Variants in ZSCAN5A observed in about 807,000 individuals in gnomAD.
ZSCAN5A encodes zinc finger and SCAN domain-containing protein 5A.
In ZSCAN5A, 12 loss-of-function variants were observed where a neutral mutation model predicts 23.7. The ratio of observed to expected loss-of-function variants is 0.51; its 90% CI spans 0.32 to 0.82. The LOEUF (loss-of-function observed/expected upper bound fraction) is 0.82. Ranked by LOEUF, ZSCAN5A falls within the 40% of genes least tolerant of loss-of-function variation. The pLI is 0.03. For synonymous variants in ZSCAN5A, 257 were observed against 239.9 expected (o/e 1.07, Z -0.66); for missense variants, 597 against 617.9 (o/e 0.97, Z 0.36).
rs149968761 is a variant in ZSCAN5A, at chr19:56,249,803, G to A, written c.-127-24630C>T. Among the ~76,000 whole-genome samples the A allele has an allele frequency of 3.5e-3, 536 of 152,262 alleles. 3 individuals are homozygous for A. The highest frequency in any genetic ancestry group is 0.012 in the African/African-American group (511 of 41,542). On this transcript the variant is annotated intron_variant, in intron 2 of 5. Coordinates refer to ENST00000683990, the MANE Select transcript of ZSCAN5A (RefSeq NM_001322064.3). ...CATCCAAGGCGCCACATTGCCTTGAGTTGTCATGCCTCCCTAGGCTCCTCT... is the reference window on the plus strand; with the variant it reads ...CATCCAAGGCGCCACATTGCCTTGAATTGTCATGCCTCCCTAGGCTCCTCT...
At chr19:56,294,433 G>A (rs997469598) in intron 2 of ZSCAN5A, among the ~76,000 whole-genome samples, 1 of 152,198 alleles carries the variant, frequency 6.6e-6, no homozygotes, top group Non-Finnish European at 1.5e-5. Context: ...GATTAATGGA[G>A]ATAATATTTT....
chr19:56,341,795 G>A (rs566746890), intron 2 of ZSCAN5A, among the ~76,000 whole-genome samples: 2 of 144,428 alleles, frequency 1.4e-5, no homozygotes, highest in African/African-American at 5.2e-5. Context: ...AGAAAACACT[G>A]TTAGCATCAG....
intron 1 of ZSCAN5A, chr19:56,314,447 C>T (rs911724599): frequency 6.6e-6 from 1 of 151,976 alleles, no homozygotes; most frequent in African/African-American, 2.4e-5. Flanking sequence ...AGGAATCATG[C>T]AGGGCGCCTG....
At chr19:56,355,384 G>T (rs1257215702) in intron 2 of ZSCAN5A, among the ~76,000 whole-genome samples, 1 of 148,694 alleles carries the variant, frequency 6.7e-6, no homozygotes, top group African/African-American at 2.5e-5. Flanking sequence ...ATACTGTGCT[G>T]TATTTCTATT....
At chr19:56,324,341 T>C (rs2041412530) in intron 2 of ZSCAN5A, among the ~76,000 whole-genome samples, 1 of 152,238 alleles carries the variant, frequency 6.6e-6, no homozygotes, top group South Asian at 2.1e-4. Flanking sequence ...ATTGTGTATA[T>C]GTATCATATT....
intron 2 of ZSCAN5A, among the ~76,000 whole-genome samples, chr19:56,273,998 G>C (rs574271139): frequency 1.2e-3 from 178 of 152,208 alleles, no homozygotes; most frequent in African/African-American, 4.1e-3. Context: ...GGTGAAGATG[G>C]GGATAAGTAG....
chr19:56,355,860 G>A lies in ZSCAN5A; in HGVS notation c.-358+7375C>T, dbSNP rs1168215280. ...AGGTTTGAATCAGGATTGGGAAGAA[G>A]GTAATGATTATGATGACCTCAAGTC... On this transcript the variant is annotated intron_variant, in intron 2 of 6. Transcript: ENST00000587340. 1.3e-5 allele frequency among the ~76,000 whole-genome samples: 2 copies of A among 148,576 alleles called. 1 individual carries two copies. Among genetic ancestry groups the A allele is most frequent in the Non-Finnish European group, 3.0e-5 (2 of 67,238 alleles).
intron 2 of ZSCAN5A, among the ~76,000 whole-genome samples, chr19:56,291,814 T>C (rs188756233): frequency 1.6e-4 from 24 of 152,264 alleles, no homozygotes; most frequent in Admixed American, 5.2e-4. Context: ...GGATGTCTCA[T>C]GGAAACCAAT....
intron 1 of ZSCAN5A, among the ~76,000 whole-genome samples, chr19:56,363,962 G>A (rs537185291): frequency 6.6e-6 from 1 of 152,346 alleles, no homozygotes; most frequent in East Asian, 1.9e-4. Flanking sequence ...GAATTCAAGT[G>A]AGCTGCTAAG....
At chr19:56,302,545 G>GTTCCTCCCTCCCTCCCCCCCTTCCTTTTC (rs2040356597) in intron 2 of ZSCAN5A, among the ~76,000 whole-genome samples, 1 of 21,592 alleles carries the variant, frequency 4.6e-5, no homozygotes, top group East Asian at 1.4e-3. Flanking sequence ...CTTCCTCCCC[G>GTTCCTCCCTCCCTCCCCCCCTTCCTTTTC]TTCCTCCCTC....
chr19:56,297,346 C>T (rs1406533950), intron 2 of ZSCAN5A, among the ~76,000 whole-genome samples: 1 of 151,390 alleles, frequency 6.6e-6, no homozygotes, highest in Non-Finnish European at 1.5e-5. Flanking sequence ...CTTTTCTTTT[C>T]CTTTCTTTTC....
intron 2 of ZSCAN5A, chr19:56,228,532 T>G: frequency 3.5e-6 from 3 of 846,716 alleles, no homozygotes; most frequent in Non-Finnish European, 4.3e-6. Context: ...CTGAAGTATT[T>G]GGTGGCCTCA....
intron 2 of ZSCAN5A, among the ~76,000 whole-genome samples, chr19:56,228,976 T>G (rs866955432): frequency 2.0e-5 from 3 of 152,016 alleles, no homozygotes; most frequent in Middle Eastern, 3.4e-3. Context: ...GGTGATAGGG[T>G]GGTTTATAGA....
upstream of ZSCAN5A, among the ~76,000 whole-genome samples, chr19:56,319,158 C>A (rs1290490320): frequency 6.6e-6 from 1 of 152,122 alleles, no homozygotes; most frequent in African/African-American, 2.4e-5. Context: ...CCCCCTATTT[C>A]TTGTCTCCCT....
chr19:56,263,189 G>C (rs1301917857), intron 2 of ZSCAN5A: 1 of 152,172 alleles, frequency 6.6e-6, no homozygotes, highest in Non-Finnish European at 1.5e-5. Flanking sequence ...TCAACATTTA[G>C]CATTGGGCTT....
chr19:56,242,067 T>G (rs1199153675), intron 2 of ZSCAN5A, among the ~76,000 whole-genome samples: 1 of 152,180 alleles, frequency 6.6e-6, no homozygotes, highest in Non-Finnish European at 1.5e-5. Flanking sequence ...GGAGCGGGAT[T>G]GCCGGATCAT....
chr19:56,250,467 A>C (rs1297057687), intron 2 of ZSCAN5A, among the ~76,000 whole-genome samples: 5 of 152,156 alleles, frequency 3.3e-5, no homozygotes, highest in Non-Finnish European at 5.9e-5. Context: ...AGATCTTGTT[A>C]AAATGCAGGG....
At chr19:56,319,810 G>C, upstream of ZSCAN5A, 1 of 777,318 alleles carries the variant, frequency 1.3e-6, no homozygotes, top group East Asian at 2.4e-5. Flanking sequence ...CTGGAATTGG[G>C]ACTCTTCTGT....
intron 2 of ZSCAN5A, among the ~76,000 whole-genome samples, chr19:56,324,367 T>A (rs547909511): frequency 1.1e-4 from 16 of 152,288 alleles, no homozygotes; most frequent in Non-Finnish European, 2.1e-4. Flanking sequence ...CTTCAGTTGG[T>A]CAAGAGGTAT....
Sources: gnomAD v4.1 joint callset for allele counts (sites outside exome capture counted in the v4.1 genomes callset) on GRCh38, gnomAD v4.1.1 for gene constraint, MANE v1.5 for transcripts, NCBI Gene and HGNC (gene_info 2026-07-23, HGNC 2026-07-21) for gene names.